Variants in LHFPL6 observed in about 807,000 individuals in gnomAD.
The protein encoded by LHFPL6 is LHFPL tetraspan subfamily member 6.
A neutral mutation model predicts 20.6 loss-of-function variants in LHFPL6; 9 were observed. That is an observed-to-expected ratio of 0.44 (90% CI 0.26 to 0.76). The LOEUF is 0.76. LHFPL6 is among the 30% of genes least tolerant of loss of function. The pLI is 0.20. For missense variants in LHFPL6, 218 were observed against 253.5 expected (o/e 0.86, Z 0.95); for synonymous variants, 105 against 98.7 (o/e 1.06, Z -0.38).
chr13:39,449,220 G>A (rs936370290), intron 2 of LHFPL6, among the ~76,000 whole-genome samples: 5 of 152,172 alleles, frequency 3.3e-5, no homozygotes, highest in Admixed American at 6.5e-5. Context: ...TACATTTCAC[G>A]ACAGTTACTT....
At chr13:39,449,377 T>G (rs1872380699) in intron 2 of LHFPL6, among the ~76,000 whole-genome samples, 1 of 152,222 alleles carries the variant, frequency 6.6e-6, no homozygotes, top group South Asian at 2.1e-4. Flanking sequence ...AATGTCCTCA[T>G]TTGTCCTGGT....
chr13:39,472,969 A>T (rs546077372), intron 2 of LHFPL6, among the ~76,000 whole-genome samples: 132 of 152,250 alleles, frequency 8.7e-4, no homozygotes, highest in African/African-American at 2.9e-3. Context: ...CTGCAGCTGA[A>T]ATCCCTTGAA....
intron 2 of LHFPL6, among the ~76,000 whole-genome samples, chr13:39,426,831 A>G (rs1871650821): frequency 6.6e-6 from 1 of 152,134 alleles, no homozygotes; most frequent in South Asian, 2.1e-4. Context: ...GAAATACTTG[A>G]CTAACTGAAG....
chr13:39,406,952 CCAT>C (rs898033441), intron 2 of LHFPL6, among the ~76,000 whole-genome samples: 82 of 152,280 alleles, frequency 5.4e-4, no homozygotes, highest in African/African-American at 1.8e-3. Flanking sequence ...TTTCTCACCA[CCAT>C]CATCAACACA....
chr13:39,415,315 C>T (rs1566106238), intron 2 of LHFPL6, among the ~76,000 whole-genome samples: 1 of 152,106 alleles, frequency 6.6e-6, no homozygotes, highest in South Asian at 2.1e-4. Flanking sequence ...TTGCATACTA[C>T]TATATTGCCT....
At chr13:39,592,872 C>T (rs564223225) in intron 2 of LHFPL6, among the ~76,000 whole-genome samples, 28 of 152,230 alleles carry the variant, frequency 1.8e-4, no homozygotes, top group South Asian at 8.3e-4. Context: ...AGACAAAAAC[C>T]GTATGATTAT....
chr13:39,488,558 G>C (rs1390376405), intron 2 of LHFPL6, among the ~76,000 whole-genome samples: 1 of 152,046 alleles, frequency 6.6e-6, no homozygotes, highest in African/African-American at 2.4e-5. Context: ...AACTTCTAAG[G>C]CAGACTTTTC....
At chr13:39,558,067 C>T (rs1871362599) in intron 2 of LHFPL6, among the ~76,000 whole-genome samples, 1 of 152,190 alleles carries the variant, frequency 6.6e-6, no homozygotes, top group African/African-American at 2.4e-5. Flanking sequence ...CCAATTAAAC[C>T]TCTCTTCATA....
At chr13:39,488,406 C>T (rs9566439) in intron 2 of LHFPL6, among the ~76,000 whole-genome samples, 4 of 151,996 alleles carry the variant, frequency 2.6e-5, no homozygotes, top group Admixed American at 1.3e-4. Flanking sequence ...GTGAGCTCTG[C>T]GAACAGGTGA....
At chr13:39,479,946 T>C (rs139207479) in intron 2 of LHFPL6, among the ~76,000 whole-genome samples, 16 of 152,362 alleles carry the variant, frequency 1.1e-4, no homozygotes, top group African/African-American at 3.1e-4. Context: ...AGTCTGAGCA[T>C]GTTTACATAC....
intron 2 of LHFPL6, among the ~76,000 whole-genome samples, chr13:39,436,797 T>G (rs553964361): frequency 1.3e-5 from 2 of 152,360 alleles, no homozygotes; most frequent in South Asian, 4.1e-4. Flanking sequence ...GTGTGGCTTT[T>G]CAACATCCCA....
intron 3 of LHFPL6, among the ~76,000 whole-genome samples, chr13:39,351,757 T>C (rs767060804): frequency 6.6e-6 from 1 of 152,240 alleles, no homozygotes; most frequent in African/African-American, 2.4e-5. Context: ...CCAGCAGCCA[T>C]AGTTCAACCA....
intron 2 of LHFPL6, among the ~76,000 whole-genome samples, chr13:39,470,467 A>G (rs1340210604): frequency 6.6e-6 from 1 of 152,106 alleles, no homozygotes; most frequent in Non-Finnish European, 1.5e-5. Context: ...TTAAAAAGAG[A>G]ACTTTTTAAA....
chr13:39,372,358 C>A (rs1870185973), intron 3 of LHFPL6, among the ~76,000 whole-genome samples: 2 of 140,994 alleles, frequency 1.4e-5, no homozygotes, highest in South Asian at 4.8e-4. Flanking sequence ...AACAAAAATA[C>A]TTTTCTATAC....
intron 2 of LHFPL6, among the ~76,000 whole-genome samples, chr13:39,556,269 T>G (rs961385144): frequency 6.6e-6 from 1 of 152,098 alleles, no homozygotes; most frequent in Non-Finnish European, 1.5e-5. Context: ...CTTTGGAACT[T>G]GGTAATGGCC....
chr13:39,523,246 T>C (rs955345885), intron 2 of LHFPL6, among the ~76,000 whole-genome samples: 2 of 152,108 alleles, frequency 1.3e-5, no homozygotes, highest in South Asian at 2.1e-4. Context: ...GAAAACTCAG[T>C]AAACACCGAC....
In LHFPL6 at chr13:39,343,066, C is replaced by T. The variant is rs77330807; in HGVS notation, c.*870G>A. 2.9e-3 allele frequency: 570 copies of T among 199,786 alleles called. 4 individuals carry two copies. The highest frequency in any genetic ancestry group is 0.012 in the African/African-American group (532 of 43,688). The allele number at this position is 199,786 out of a possible 1,614,324, so 12.4% of individuals were successfully genotyped here. On this transcript the variant is annotated 3_prime_UTR_variant, in exon 4 of 4. Transcript: ENST00000379589. The stretch of plus-strand genomic sequence containing the variant: ...ATGTCTCTCATTACTCTCATATCTT[C>T]GGCTGAATTCTCTCCTATAGTGGAC...
At chr13:39,505,034 C>T (rs572751592) in intron 2 of LHFPL6, among the ~76,000 whole-genome samples, 1 of 152,250 alleles carries the variant, frequency 6.6e-6, no homozygotes, top group East Asian at 1.9e-4. Flanking sequence ...TGTATGTTCC[C>T]CCAAAGCTTA....
chr13:39,543,203 G>A (rs1464327348), intron 2 of LHFPL6, among the ~76,000 whole-genome samples: 2 of 152,110 alleles, frequency 1.3e-5, no homozygotes, highest in Admixed American at 6.5e-5. Flanking sequence ...TTCTTTTTAA[G>A]GCTGAAAAAT....
Sources: gnomAD v4.1 joint callset for allele counts (sites outside exome capture counted in the v4.1 genomes callset) on GRCh38, gnomAD v4.1.1 for gene constraint, MANE v1.5 for transcripts, NCBI Gene and HGNC (gene_info 2026-07-23, HGNC 2026-07-21) for gene names.